HYDIN: variants seen among roughly 807,000 people sequenced by gnomAD.
HYDIN encodes HYDIN axonemal central pair apparatus protein.
A neutral mutation model predicts 403.9 loss-of-function variants in HYDIN; 132 were observed. That is an observed-to-expected ratio of 0.33 (90% CI 0.28 to 0.38). The LOEUF is 0.38. Among genes scored for constraint, HYDIN ranks in the 10% least tolerant of loss-of-function variants. The probability of loss-of-function intolerance (pLI) is 1.00; values close to 1 mark genes in which losing one functional copy is unlikely to be tolerated. For missense variants in HYDIN, 2,827 were observed against 5,009.5 expected (o/e 0.56, Z 13.15); for synonymous variants, 1,202 against 1,891.7 (o/e 0.64, Z 9.46).
intron 1 of HYDIN, among the ~76,000 whole-genome samples, chr16:71,193,117 C>A (rs1314510509): frequency 6.6e-6 from 1 of 152,216 alleles, no homozygotes; most frequent in Non-Finnish European, 1.5e-5. Context: ...TATTTGCTTA[C>A]AAGCCTGTTT....
chr16:71,067,080 C>G (rs2082296648), intron 15 of HYDIN: 7 of 610,710 alleles, frequency 1.1e-5, no homozygotes, highest in Non-Finnish European at 1.7e-5. Flanking sequence ...CTAAACTCTA[C>G]AAAACACACA....
At chr16:71,040,826 A>T (rs2144194961) in intron 18 of HYDIN, among the ~76,000 whole-genome samples, 1 of 110,874 alleles carries the variant, frequency 9.0e-6, no homozygotes. Context: ...CCCAAGTGTC[A>T]TCTGCATTTA....
chr16:70,953,310 T>A (rs1361677536), intron 40 of HYDIN, among the ~76,000 whole-genome samples: 1 of 152,032 alleles, frequency 6.6e-6, no homozygotes, highest in African/African-American at 2.4e-5. Flanking sequence ...TGGGGAAAAT[T>A]AACACAAGCC....
At chr16:71,228,721 G>A (rs2041149150) in intron 1 of HYDIN, among the ~76,000 whole-genome samples, 1 of 152,190 alleles carries the variant, frequency 6.6e-6, no homozygotes, top group Admixed American at 6.5e-5. Context: ...CTGTAAACTA[G>A]TTCAACCATT....
At chr16:71,059,521 T>C (rs1399501167) in intron 18 of HYDIN, among the ~76,000 whole-genome samples, 2 of 151,948 alleles carry the variant, frequency 1.3e-5, no homozygotes, top group Non-Finnish European at 2.9e-5. Flanking sequence ...TCATGTCCTT[T>C]GCAGCAACAT....
At chr16:70,864,942 C>T (rs1032737624) in intron 67 of HYDIN, among the ~76,000 whole-genome samples, 5 of 152,026 alleles carry the variant, frequency 3.3e-5, no homozygotes, top group African/African-American at 1.2e-4. Flanking sequence ...GGCTACAGGC[C>T]ACAGTTTGCT....
At chr16:70,989,448 A>G (rs1334137021) in intron 25 of HYDIN, among the ~76,000 whole-genome samples, 1 of 152,200 alleles carries the variant, frequency 6.6e-6, no homozygotes, top group Non-Finnish European at 1.5e-5. Context: ...AAAATTTTTA[A>G]AATATAGAAA....
At chr16:70,882,180 C>T (rs1354759891) in intron 60 of HYDIN, among the ~76,000 whole-genome samples, 19 of 152,098 alleles carry the variant, frequency 1.2e-4, no homozygotes, top group African/African-American at 4.6e-4. Flanking sequence ...AATACAAAGT[C>T]GGAAGAGTTG....
intron 23 of HYDIN, among the ~76,000 whole-genome samples, chr16:71,017,423 T>C (rs1477102607): frequency 6.6e-6 from 1 of 151,898 alleles, no homozygotes; most frequent in South Asian, 2.1e-4. Flanking sequence ...ATGAAAGATA[T>C]GCCTTGCTTC....
intron 23 of HYDIN, among the ~76,000 whole-genome samples, chr16:71,004,573 C>CTCAT (rs2079835817): frequency 6.6e-6 from 1 of 151,904 alleles, no homozygotes; most frequent in African/African-American, 2.4e-5. Context: ...TAAACTCAAC[C>CTCAT]TCATTATATC....
intron 21 of HYDIN, among the ~76,000 whole-genome samples, chr16:71,021,214 A>C (rs2080478896): frequency 6.7e-6 from 1 of 148,722 alleles, no homozygotes; most frequent in Admixed American, 6.7e-5. Flanking sequence ...ATTAGATTTA[A>C]TTTTTCTTTT....
At chr16:70,995,374 G>T (rs2079496826) in intron 23 of HYDIN, among the ~76,000 whole-genome samples, 1 of 152,118 alleles carries the variant, frequency 6.6e-6, no homozygotes, top group African/African-American at 2.4e-5. Flanking sequence ...CAGAATCATG[G>T]GAGAAGCCAG....
rs2076973515 is a variant in HYDIN at position 70,920,827 on chromosome 16, C to G, written c.7549G>C (p.Glu2517Gln). The change falls in exon 46 of 86, where the codon GAG becomes CAG. Residue 2517 changes from glutamate (E) to glutamine (Q), a missense_variant. Glu to Gln is a conservative substitution (Grantham distance 29). Coordinates refer to ENST00000393567, the MANE Select transcript of HYDIN (RefSeq NM_001270974.2). ...GRKDRERERL[E>Q]KERTEKERLE... ...CGCTCCTTCTCCGTGCGCTCCTTCT[C>G]CAGGCGCTCTCTCTCCCGGTCCTTG... 1.3e-6 allele frequency: 2 copies of G among 1,573,154 alleles called. No homozygotes were observed. Among genetic ancestry groups the G allele is most frequent in the Non-Finnish European group, 1.7e-6 (2 of 1,158,330 alleles).
chr16:71,167,235 G>T (rs2086269959), intron 5 of HYDIN, among the ~76,000 whole-genome samples: 1 of 152,038 alleles, frequency 6.6e-6, no homozygotes, highest in Non-Finnish European at 1.5e-5. Context: ...AAGCACACTT[G>T]ATCTTAGAAA....
chr16:71,223,859 T>C (rs1016275270), intron 1 of HYDIN, among the ~76,000 whole-genome samples: 9 of 152,212 alleles, frequency 5.9e-5, no homozygotes, highest in Admixed American at 4.6e-4. Context: ...GAAAAGGGAA[T>C]ACTTCTACAC....
intron 84 of HYDIN, among the ~76,000 whole-genome samples, chr16:70,816,154 G>A (rs1446629353): frequency 6.6e-6 from 1 of 151,898 alleles, no homozygotes. Flanking sequence ...ATAGATGGAG[G>A]ATAAACAACA....
At position 71,064,828 on chromosome 16, in the gene HYDIN, A is replaced by T; in HGVS notation, c.2088T>A (p.Pro696=). ...CCTCTGTATTGACCAGGTGGAGGGC[A>T]GGTACAACACACCTGCTCGGAGGAG... ...ALLITARCVV[P]ALHLVNTEVD... Residue 696 remains proline (P), a synonymous_variant, in exon 16 of 86, where the codon CCT becomes CCA. Transcript: ENST00000393567. The T allele has an allele frequency of 6.2e-7, 1 of 1,610,498 alleles. No homozygotes were observed. Among genetic ancestry groups the T allele is most frequent in the African/African-American group, 1.3e-5 (1 of 74,938 alleles).
At chr16:71,213,261 T>G (rs1294547925) in intron 1 of HYDIN, among the ~76,000 whole-genome samples, 1 of 152,012 alleles carries the variant, frequency 6.6e-6, no homozygotes, top group Non-Finnish European at 1.5e-5. Flanking sequence ...GGAAACATGG[T>G]CAACAGTGAA....
At chr16:71,162,811 G>A (rs1475218967) in intron 5 of HYDIN, 81 bp from the exon 6 acceptor site, 3 of 585,788 alleles carry the variant, frequency 5.1e-6, no homozygotes, top group Non-Finnish European at 9.2e-6. Context: ...GTCGATGAGA[G>A]GCATTTTGCA....
Sources: allele counts gnomAD v4.1 joint callset (sites outside exome capture counted in the v4.1 genomes callset), GRCh38; gene constraint gnomAD v4.1.1; transcripts MANE v1.5; gene names NCBI Gene and HGNC (gene_info 2026-07-23, HGNC 2026-07-21).